ANKFN1: variants seen among roughly 807,000 people sequenced by gnomAD.
ANKFN1 encodes ankyrin repeat and fibronectin type III domain containing 1, also known as ankyrin repeat and fibronectin type-III domain-containing protein 1.
ANKFN1 carries 74 observed loss-of-function variants against 108.7 expected under a neutral mutation model. The ratio of observed to expected loss-of-function variants is 0.68; its 90% CI spans 0.56 to 0.83. The LOEUF (loss-of-function observed/expected upper bound fraction) is 0.83. Among genes scored for constraint, ANKFN1 ranks in the 40% least tolerant of loss-of-function variants. ANKFN1 has a pLI of 0.00. For synonymous variants in ANKFN1, 547 were observed against 516.2 expected (o/e 1.06, Z -0.81); for missense variants, 1,505 against 1,382.3 (o/e 1.09, Z -1.41).
At chr17:56,380,969 G>A (rs952139254) in intron 8 of ANKFN1, among the ~76,000 whole-genome samples, 22 of 152,154 alleles carry the variant, frequency 1.4e-4, no homozygotes, top group African/African-American at 3.4e-4. Flanking sequence ...ATCTGAGAAC[G>A]GGCAGACTGC....
chr17:56,074,221 G>A (rs934222509), intron 4 of ANKFN1, among the ~76,000 whole-genome samples: 7 of 152,178 alleles, frequency 4.6e-5, no homozygotes, highest in African/African-American at 1.4e-4. Context: ...GCACTGACTA[G>A]ACAGGCTACA....
At chr17:56,170,905 A>G (rs1910640325) in intron 1 of ANKFN1, among the ~76,000 whole-genome samples, 1 of 150,260 alleles carries the variant, frequency 6.7e-6, no homozygotes, top group Non-Finnish European at 1.5e-5. Context: ...TACCACCGCC[A>G]TACACACATA....
intron 14 of ANKFN1, among the ~76,000 whole-genome samples, chr17:56,460,606 T>C (rs2049868841): frequency 6.6e-6 from 1 of 152,128 alleles, no homozygotes; most frequent in African/African-American, 2.4e-5. Context: ...TTAATGATTT[T>C]TTCTGCCAAA....
chr17:56,258,203 A>G (rs2043407274), intron 3 of ANKFN1: 1 of 152,188 alleles, frequency 6.6e-6, no homozygotes, highest in South Asian at 2.1e-4. Flanking sequence ...CACAATTTAA[A>G]TGGGCTTCTG....
At chr17:56,400,236 C>T (rs2047719555) in intron 8 of ANKFN1, among the ~76,000 whole-genome samples, 1 of 152,016 alleles carries the variant, frequency 6.6e-6, no homozygotes, top group Non-Finnish European at 1.5e-5. Context: ...ACTGCATCCA[C>T]ACCAACATCT....
intron 1 of ANKFN1, among the ~76,000 whole-genome samples, chr17:56,170,714 A>T (rs1910575385): frequency 6.8e-6 from 1 of 147,932 alleles, no homozygotes; most frequent in Non-Finnish European, 1.5e-5. Context: ...AGTGAGCCAA[A>T]ATCACACCAC....
At chr17:56,325,651 G>C (rs979674085) in intron 3 of ANKFN1, among the ~76,000 whole-genome samples, 1 of 152,166 alleles carries the variant, frequency 6.6e-6, no homozygotes, top group Non-Finnish European at 1.5e-5. Flanking sequence ...GCTTTCTTAA[G>C]ATGCCCCCTA....
chr17:56,299,482 A>T (rs1466576746), intron 3 of ANKFN1, among the ~76,000 whole-genome samples: 7 of 152,212 alleles, frequency 4.6e-5, no homozygotes, highest in Admixed American at 4.6e-4. Context: ...TACATTCTGA[A>T]TGTCTTTGGG....
intron 3 of ANKFN1, among the ~76,000 whole-genome samples, chr17:56,275,078 C>T (rs2043890681): frequency 6.6e-6 from 1 of 152,126 alleles, no homozygotes; most frequent in South Asian, 2.1e-4. Context: ...GGACCCAACG[C>T]CCCACCACAG....
At chr17:56,187,571 T>C (rs1912339996) in intron 1 of ANKFN1, among the ~76,000 whole-genome samples, 1 of 152,154 alleles carries the variant, frequency 6.6e-6, no homozygotes, top group South Asian at 2.1e-4. Context: ...TTTGACCCAG[T>C]CATCTCATTA....
Position 56,315,006 on chromosome 17 carries a change from C to T in ANKFN1, c.54-11215C>T, listed in dbSNP as rs148674305. 2.7e-3 allele frequency among the ~76,000 whole-genome samples: 415 copies of T among 152,288 alleles called. 1 individual carries two copies. The highest frequency in any genetic ancestry group is 2.7e-3 in the Non-Finnish European group (184 of 68,026). On this transcript the variant is annotated intron_variant, in intron 3 of 20. Transcript: ENST00000682825. ...CTCAGTCTCAACTCCTCAATGCTGCCGAGCTCGAAATAAGCCCTTCTTGTT... is the reference window on the plus strand; with the variant it reads ...CTCAGTCTCAACTCCTCAATGCTGCTGAGCTCGAAATAAGCCCTTCTTGTT...
chr17:56,259,909 A>AACACAC (rs34951336), intron 3 of ANKFN1, among the ~76,000 whole-genome samples: 2,852 of 139,130 alleles, frequency 0.02, 73 homozygotes, highest in Admixed American at 0.058. Context: ...CCCACCTCCA[A>AACACAC]ACACACACAC....
intron 8 of ANKFN1, among the ~76,000 whole-genome samples, chr17:56,422,354 A>AAATATTTTGATG (rs2048432081): frequency 6.6e-6 from 1 of 152,028 alleles, no homozygotes; most frequent in Non-Finnish European, 1.5e-5. Flanking sequence ...ATATTTTGAT[A>AAATATTTTGATG]AATACTAAAA....
intron 8 of ANKFN1, among the ~76,000 whole-genome samples, chr17:56,402,546 G>A (rs1317763898): frequency 1.3e-5 from 2 of 151,886 alleles, no homozygotes; most frequent in African/African-American, 4.8e-5. Flanking sequence ...CTCCTGTTTT[G>A]TTTCTTAGTG....
At chr17:56,078,729 G>T (rs1905210492) in intron 4 of ANKFN1, among the ~76,000 whole-genome samples, 1 of 152,144 alleles carries the variant, frequency 6.6e-6, no homozygotes, top group Non-Finnish European at 1.5e-5. Context: ...CAGACAAAAG[G>T]ATCCAAAATG....
intron 4 of ANKFN1, among the ~76,000 whole-genome samples, chr17:56,123,847 G>C (rs1463667700): frequency 6.6e-6 from 1 of 151,292 alleles, no homozygotes; most frequent in Non-Finnish European, 1.5e-5. Context: ...CACAGAGAGA[G>C]AGAGAGAGAG....
chr17:56,091,311 T>A (rs371214312), intron 4 of ANKFN1, among the ~76,000 whole-genome samples: 1 of 151,018 alleles, frequency 6.6e-6, no homozygotes, highest in African/African-American at 2.4e-5. Flanking sequence ...AATAAGGTCA[T>A]TGAGTAAAAT....
chr17:56,301,105 G>A (rs1200126736), intron 3 of ANKFN1, among the ~76,000 whole-genome samples: 1 of 152,286 alleles, frequency 6.6e-6, no homozygotes, highest in East Asian at 1.9e-4. Context: ...CAAAGTTAGT[G>A]AGTTTCCTGT....
chr17:56,274,217 C>A (rs967591748), intron 3 of ANKFN1, among the ~76,000 whole-genome samples: 1 of 152,256 alleles, frequency 6.6e-6, no homozygotes, highest in Admixed American at 6.5e-5. Flanking sequence ...AGTAATTCTA[C>A]ATCCCAGCAA....
Sources: allele counts gnomAD v4.1 joint callset (sites outside exome capture counted in the v4.1 genomes callset), GRCh38; gene constraint gnomAD v4.1.1; transcripts MANE v1.5; gene names NCBI Gene and HGNC (gene_info 2026-07-23, HGNC 2026-07-21).